DNAH3: variants seen among roughly 807,000 people sequenced by gnomAD.
DNAH3 encodes dynein axonemal heavy chain 3.
Under a neutral mutation model 432.5 loss-of-function variants are expected in DNAH3, and 332 were observed. The ratio of observed to expected loss-of-function variants is 0.77; its 90% CI spans 0.70 to 0.84. The LOEUF (loss-of-function observed/expected upper bound fraction) is 0.84. Among genes scored for constraint, DNAH3 ranks in the 40% least tolerant of loss-of-function variants. The pLI is 0.00. For missense variants in DNAH3, 4,861 were observed against 5,114.0 expected (o/e 0.95, Z 1.51); for synonymous variants, 1,956 against 1,900.2 (o/e 1.03, Z -0.76).
chr16:21,159,337 C>T (rs758012502), exon 1 of DNAH3: 14 of 1,614,136 alleles, frequency 8.7e-6, no homozygotes, highest in East Asian at 2.2e-5. Context: ...GCATTTCACT[C>T]CCTTCCTCCT....
intron 24 of DNAH3, among the ~76,000 whole-genome samples, chr16:21,065,229 C>T (rs1031685198): frequency 5.3e-5 from 8 of 151,994 alleles, no homozygotes; most frequent in Non-Finnish European, 8.8e-5. Context: ...GGCACCATCT[C>T]GGCTCACCAC....
At chr16:21,060,401 C>A (rs1280007515) in intron 25 of DNAH3, 45 bp from the exon 26 acceptor site, 1 of 1,488,382 alleles carries the variant, frequency 6.7e-7, no homozygotes. Context: ...AACCAAAGCC[C>A]AGAGGGAGGG....
At chr16:20,969,284 G>A (rs957413855) in intron 52 of DNAH3, among the ~76,000 whole-genome samples, 1 of 149,624 alleles carries the variant, frequency 6.7e-6, no homozygotes, top group Non-Finnish European at 1.5e-5. Flanking sequence ...GTGCATGCAT[G>A]TGTGTGCATG....
intron 40 of DNAH3, among the ~76,000 whole-genome samples, chr16:21,020,348 G>GTGTGTGTGTGTGTGTGTATATATATATA: frequency 4.3e-5 from 3 of 69,158 alleles, no homozygotes; most frequent in African/African-American, 1.9e-4. Context: ...TATAGTGTGT[G>GTGTGTGTGTGTGTGTGTATATATATATA]TATATATATA....
chr16:21,026,336 G>C (rs1478599678), intron 38 of DNAH3, among the ~76,000 whole-genome samples: 1 of 152,082 alleles, frequency 6.6e-6, no homozygotes, highest in Non-Finnish European at 1.5e-5. Context: ...AATTAACGCA[G>C]GAACAGAAAA....
At chr16:21,146,294 C>T (rs568851811) in intron 1 of DNAH3, among the ~76,000 whole-genome samples, 1 of 152,150 alleles carries the variant, frequency 6.6e-6, no homozygotes, top group Admixed American at 6.5e-5. Context: ...GGTAGCTCAC[C>T]CCGGTAATCC....
At chr16:21,104,385 G>T in intron 16 of DNAH3, 86 bp downstream of exon 16, 1 of 1,174,200 alleles carries the variant, frequency 8.5e-7, no homozygotes, top group Non-Finnish European at 1.3e-6. Context: ...GTGAGCTGGG[G>T]GATGGCTTAG....
intron 21 of DNAH3, among the ~76,000 whole-genome samples, chr16:21,074,670 C>T (rs920826883): frequency 4.6e-5 from 7 of 151,976 alleles, no homozygotes; most frequent in East Asian, 1.9e-4. Context: ...TCCGAGATCA[C>T]GCAGTTGCAC....
intron 19 of DNAH3, among the ~76,000 whole-genome samples, chr16:21,085,459 G>T (rs1453485001): frequency 6.9e-6 from 1 of 145,342 alleles, no homozygotes; most frequent in Non-Finnish European, 1.5e-5. Context: ...CAGGAGAACT[G>T]CTTGAATGTA....
chr16:21,091,033 G>C (rs562036866), intron 18 of DNAH3, among the ~76,000 whole-genome samples: 491 of 152,042 alleles, frequency 3.2e-3, no homozygotes, highest in African/African-American at 0.011. Context: ...TGCATCTGTA[G>C]TCCCAGCTAC....
intron 48 of DNAH3, chr16:20,985,053 G>A: frequency 4.4e-6 from 7 of 1,597,548 alleles, no homozygotes; most frequent in Non-Finnish European, 5.1e-6. Flanking sequence ...TCTTACCGAG[G>A]ACAATGTGAA....
intron 43 of DNAH3, among the ~76,000 whole-genome samples, chr16:20,998,408 A>G (rs1447036511): frequency 6.6e-6 from 1 of 151,990 alleles, no homozygotes; most frequent in Non-Finnish European, 1.5e-5. Flanking sequence ...GTGCACCACC[A>G]CGCCCAGCTA....
At chr16:21,122,092 C>A in exon 10 of DNAH3, 1 of 1,613,032 alleles carries the variant, frequency 6.2e-7, no homozygotes, top group Non-Finnish European at 8.5e-7. Flanking sequence ...AAAACTTCAT[C>A]TCTTGGTAGG....
intron 51 of DNAH3, among the ~76,000 whole-genome samples, chr16:20,971,478 C>T (rs74504298): frequency 0.029 from 4,470 of 152,266 alleles, 69 homozygotes; most frequent in Middle Eastern, 0.065. Flanking sequence ...AAAAAAGCCT[C>T]AGGAAAGCTG....
rs1350001665 is a variant in DNAH3, at chr16:21,067,766, G to GC, written c.3382-348_3382-347insG. Among the ~76,000 whole-genome samples, 67 of 38,766 alleles carry GC rather than the reference G, an allele frequency of 1.7e-3. 4 individuals carry two copies. The South Asian group carries it at 0.039, about 23-fold the overall frequency. The allele number at this position is 38,766 out of a possible 152,430, so 25.4% of individuals were successfully genotyped here. A position where few individuals can be genotyped will look rare whatever the true frequency, so the allele number is the denominator to read the frequency against. On this transcript the variant is annotated intron_variant, in intron 23 of 61. Transcript: ENST00000261383. ...TAGAGAAAGCCAGTCTTGGGGGGGG[G>GC]GGTGGGGAGGGAGAGAGAGAGAGAG...
intron 52 of DNAH3, among the ~76,000 whole-genome samples, 186 bp downstream of exon 52, chr16:20,969,606 G>A (rs961032060): frequency 6.6e-6 from 1 of 152,238 alleles, no homozygotes; most frequent in Non-Finnish European, 1.5e-5. Flanking sequence ...TGAGAGGGCG[G>A]AGGCCGCTGG....
intron 14 of DNAH3, among the ~76,000 whole-genome samples, chr16:21,109,116 C>CT (rs2092012172): frequency 7.0e-6 from 1 of 142,858 alleles, no homozygotes; most frequent in Non-Finnish European, 1.5e-5. Context: ...GAGCGAGACT[C>CT]TGTCTCAAAA....
chr16:20,976,340 G>A (rs2085589093), intron 50 of DNAH3, among the ~76,000 whole-genome samples: 1 of 152,034 alleles, frequency 6.6e-6, no homozygotes, highest in Admixed American at 6.6e-5. Context: ...TTACAGGCAT[G>A]TGCCACCACA....
chr16:21,106,674 G>T, exon 15 of DNAH3: 1 of 1,478,978 alleles, frequency 6.8e-7, no homozygotes, highest in Non-Finnish European at 9.1e-7. Flanking sequence ...GATTACAAAT[G>T]CTACAGAAAA....
Sources: allele counts gnomAD v4.1 joint callset (sites outside exome capture counted in the v4.1 genomes callset), GRCh38; gene constraint gnomAD v4.1.1; transcripts MANE v1.5; gene names NCBI Gene and HGNC (gene_info 2026-07-23, HGNC 2026-07-21).